The following MAGI2 variants were observed in gnomAD, a reference collection of about 807,000 sequenced individuals.
The protein encoded by MAGI2 is membrane associated guanylate kinase, WW and PDZ domain containing 2.
A neutral mutation model predicts 133.3 loss-of-function variants in MAGI2; 35 were observed. The observed-to-expected ratio is 0.26, with a 90% CI of 0.20 to 0.35. The LOEUF (loss-of-function observed/expected upper bound fraction) is 0.35. MAGI2 is among the 10% of genes least tolerant of loss of function. The pLI is 1.00. For synonymous variants in MAGI2, 729 were observed against 710.6 expected (o/e 1.03, Z -0.41); for missense variants, 1,636 against 1,863.4 (o/e 0.88, Z 2.25).
chr7:78,413,636 T>C (rs1798046693), intron 6 of MAGI2, among the ~76,000 whole-genome samples: 1 of 151,870 alleles, frequency 6.6e-6, no homozygotes, highest in African/African-American at 2.4e-5. Context: ...AATGAGGAGA[T>C]CTTGGGGAAA....
chr7:78,060,231 A>AAAAAC (rs3842165), intron 21 of MAGI2, among the ~76,000 whole-genome samples: 103,602 of 144,214 alleles, frequency 0.72, 37,487 homozygotes, highest in East Asian at 0.87. Context: ...AAATTATTTA[A>AAAAAC]AAAACAAAAG....
chr7:78,431,949 A>C (rs926762867), intron 6 of MAGI2, among the ~76,000 whole-genome samples: 1 of 152,076 alleles, frequency 6.6e-6, no homozygotes, highest in East Asian at 1.9e-4. Flanking sequence ...GTGAACTTTC[A>C]TATTTCCCAC....
At chr7:79,200,432 G>A (rs929429287) in intron 1 of MAGI2, among the ~76,000 whole-genome samples, 6 of 144,734 alleles carry the variant, frequency 4.1e-5, no homozygotes, top group Admixed American at 2.0e-4. Context: ...GCGAAACCCC[G>A]TCTCTACAAA....
chr7:78,693,340 T>C (rs1251111024), intron 2 of MAGI2, among the ~76,000 whole-genome samples: 1 of 152,194 alleles, frequency 6.6e-6, no homozygotes, highest in African/African-American at 2.4e-5. Flanking sequence ...TTCTATTATT[T>C]TCTCTACTCC....
At chr7:78,882,649 G>T (rs1795965864) in intron 2 of MAGI2, among the ~76,000 whole-genome samples, 1 of 152,044 alleles carries the variant, frequency 6.6e-6, no homozygotes, top group Non-Finnish European at 1.5e-5. Flanking sequence ...CACATCAAAA[G>T]TTAATTCACC....
At chr7:78,986,245 C>T (rs749377465) in intron 2 of MAGI2, among the ~76,000 whole-genome samples, 21 of 152,010 alleles carry the variant, frequency 1.4e-4, no homozygotes, top group Non-Finnish European at 2.1e-4. Flanking sequence ...ATTCTGAATA[C>T]GGGAAAAATG....
At chr7:78,898,744 A>G (rs558679551) in intron 2 of MAGI2, among the ~76,000 whole-genome samples, 2 of 151,472 alleles carry the variant, frequency 1.3e-5, no homozygotes, top group African/African-American at 2.4e-5. Flanking sequence ...TTGTCATCAC[A>G]CTCCTGTGAT....
intron 20 of MAGI2, among the ~76,000 whole-genome samples, chr7:78,090,507 C>T (rs1025146737): frequency 6.6e-6 from 1 of 152,262 alleles, no homozygotes; most frequent in East Asian, 1.9e-4. Flanking sequence ...TTTGAGGCAG[C>T]CTGTGCCTTG....
intron 2 of MAGI2, among the ~76,000 whole-genome samples, chr7:78,727,827 G>A (rs759902831): frequency 2.6e-5 from 4 of 152,126 alleles, no homozygotes; most frequent in Non-Finnish European, 5.9e-5. Context: ...TTATCAAGAG[G>A]CATATATGGA....
At chr7:79,221,385 C>T (rs1830434414) in intron 1 of MAGI2, among the ~76,000 whole-genome samples, 2 of 152,044 alleles carry the variant, frequency 1.3e-5, no homozygotes, top group Non-Finnish European at 1.5e-5. Flanking sequence ...TTAATCCTCT[C>T]AGAAACCTAT....
intron 2 of MAGI2, among the ~76,000 whole-genome samples, chr7:78,686,062 C>T (rs1816280168): frequency 6.9e-6 from 1 of 145,714 alleles, no homozygotes; most frequent in African/African-American, 2.5e-5. Flanking sequence ...TGTGCTTTTG[C>T]TTATTTTCTT....
At chr7:78,423,202 G>A (rs1465801490) in intron 6 of MAGI2, among the ~76,000 whole-genome samples, 2 of 152,074 alleles carry the variant, frequency 1.3e-5, no homozygotes, top group Non-Finnish European at 2.9e-5. Flanking sequence ...GATCTTTCCT[G>A]TGATCTTCTC....
At chr7:78,847,289 C>T (rs535113097) in intron 2 of MAGI2, among the ~76,000 whole-genome samples, 2 of 151,976 alleles carry the variant, frequency 1.3e-5, no homozygotes, top group South Asian at 4.1e-4. Context: ...CTTTTGTAGA[C>T]ATTATAGTTT....
intron 2 of MAGI2, among the ~76,000 whole-genome samples, chr7:78,931,282 G>A (rs974605921): frequency 2.0e-5 from 3 of 151,974 alleles, no homozygotes; most frequent in Non-Finnish European, 2.9e-5. Flanking sequence ...AAAAGGGATG[G>A]TAGGCTGTGT....
At chr7:78,129,264 C>T (rs1821302277) in intron 18 of MAGI2, among the ~76,000 whole-genome samples, 1 of 152,142 alleles carries the variant, frequency 6.6e-6, no homozygotes, top group Non-Finnish European at 1.5e-5. Context: ...TATATTCTAC[C>T]CAGTGTCGTG....
At chr7:78,962,838 A>ACT (rs10670720) in intron 2 of MAGI2, among the ~76,000 whole-genome samples, 110,304 of 151,698 alleles carry the variant, frequency 0.73, 40,461 homozygotes, top group African/African-American at 0.82. Context: ...ATCAAATTAA[A>ACT]CTCTTTTAAG....
chr7:78,954,804 T>C (rs559343874), intron 2 of MAGI2, among the ~76,000 whole-genome samples: 1 of 152,092 alleles, frequency 6.6e-6, no homozygotes, highest in African/African-American at 2.4e-5. Context: ...AAAAAAGGAG[T>C]CAGTTTCAAA....
Position 78,225,171 on chromosome 7 carries a change from G to A in MAGI2, c.2048-23978C>T, listed in dbSNP as rs577546804. On this transcript the variant is annotated intron_variant, in intron 10 of 21. Transcript: ENST00000354212. ...CAGAGATCACTTGTCAGCTGCAGCA[G>A]CCTTTCAGCTTGAATTCTTACCCCC... 3.9e-5 allele frequency among the ~76,000 whole-genome samples: 6 copies of A among 152,218 alleles called. No homozygotes were observed. In the South Asian group the frequency reaches 8.3e-4, roughly 21 times the overall value.
intron 1 of MAGI2, among the ~76,000 whole-genome samples, chr7:79,427,428 A>G (rs1286093886): frequency 1.3e-5 from 2 of 152,174 alleles, no homozygotes; most frequent in Admixed American, 1.3e-4. Context: ...TATCGAAATG[A>G]TTTTTCAAGG....
Sources: allele counts gnomAD v4.1 joint callset (sites outside exome capture counted in the v4.1 genomes callset), GRCh38; gene constraint gnomAD v4.1.1; transcripts MANE v1.5; gene names NCBI Gene and HGNC (gene_info 2026-07-23, HGNC 2026-07-21).